The following FLYWCH2 variants were observed in gnomAD, a reference collection of about 807,000 sequenced individuals.
The protein encoded by FLYWCH2 is FLYWCH family member 2.
Under a neutral mutation model 6.0 loss-of-function variants are expected in FLYWCH2, and 2 were observed. That is an observed-to-expected ratio of 0.33 (90% CI 0.14 to 1.04). The LOEUF is 1.04. Among genes scored for constraint, FLYWCH2 ranks in the 50% least tolerant of loss-of-function variants. FLYWCH2 has a pLI of 0.45. For synonymous variants in FLYWCH2, 87 were observed against 79.3 expected (o/e 1.10, Z -0.52); for missense variants, 192 against 183.4 (o/e 1.05, Z -0.27).
At chr16:2,885,360 G>A (rs2069687605) in intron 1 of FLYWCH2, among the ~76,000 whole-genome samples, 1 of 152,056 alleles carries the variant, frequency 6.6e-6, no homozygotes, top group South Asian at 2.1e-4. Flanking sequence ...CAGTTCAGTG[G>A]CTTTAGTGTG....
At chr16:2,884,549 C>G (rs540443951) in intron 1 of FLYWCH2, among the ~76,000 whole-genome samples, 1 of 19,510 alleles carries the variant, frequency 5.1e-5, no homozygotes, top group African/African-American at 1.6e-4. Flanking sequence ...GGTGAAACCC[C>G]GTCTCTACTA....
At chr16:2,890,813 C>T (rs2069749096) in intron 1 of FLYWCH2, among the ~76,000 whole-genome samples, 1 of 152,120 alleles carries the variant, frequency 6.6e-6, no homozygotes, top group Non-Finnish European at 1.5e-5. Context: ...GTAATCCACC[C>T]ACCTCAACCC....
chr16:2,888,484 CAAAAA>C (rs76190008), intron 1 of FLYWCH2, among the ~76,000 whole-genome samples: 2 of 105,802 alleles, frequency 1.9e-5, no homozygotes, highest in Non-Finnish European at 1.9e-5. Flanking sequence ...TCAGTTTCTC[CAAAAA>C]AAAAAAAAAA....
At chr16:2,885,344 A>AGC (rs34402261) in intron 1 of FLYWCH2, among the ~76,000 whole-genome samples, 1 of 151,814 alleles carries the variant, frequency 6.6e-6, no homozygotes, top group Non-Finnish European at 1.5e-5. Context: ...CAAAAAAAAA[A>AGC]ATATACAGTT....
At chr16:2,890,178 A>G (rs1350199569) in intron 1 of FLYWCH2, among the ~76,000 whole-genome samples, 1 of 149,256 alleles carries the variant, frequency 6.7e-6, no homozygotes, top group Non-Finnish European at 1.5e-5. Context: ...GTAATCTGGG[A>G]TCTGATCCCA....
chr16:2,896,742 C>T lies in FLYWCH2; in HGVS notation c.293C>T (p.Pro98Leu), dbSNP rs2069826276. The change falls in exon 3 of 4, where the codon CCT becomes CTT. Residue 98 changes from proline to leucine, a missense_variant. By Grantham distance (98) the Pro-to-Leu change is moderately conservative. Transcript: ENST00000396958. ...GCCATTGAGGCAGCCCCTCAGGAGC[C>T]TGAGCAGAAACGGAGCAGGCAGGAC... ...QRAIEAAPQE[P>L]EQKRSRQDPG... 4.3e-6 allele frequency: 7 copies of T among 1,611,588 alleles called. No homozygotes were observed. Among genetic ancestry groups the T allele is most frequent in the Non-Finnish European group, 5.9e-6 (7 of 1,179,856 alleles).
At chr16:2,890,497 C>G (rs1009324061) in intron 1 of FLYWCH2, among the ~76,000 whole-genome samples, 1 of 151,694 alleles carries the variant, frequency 6.6e-6, no homozygotes, top group East Asian at 1.9e-4. Flanking sequence ...TCACCGCAAT[C>G]TCCACCTTCT....
rs1422892853 is a variant in FLYWCH2 at position 2,883,285 on chromosome 16, G to GC, written c.-280dup. ...ACCCCGGCTTGAGGTAACAGCGCGAGCTGAGGCTGGGGCCCTTGGCGCGGA... is the reference window on the plus strand; with the variant it reads ...ACCCCGGCTTGAGGTAACAGCGCGAGCCTGAGGCTGGGGCCCTTGGCGCGGA... On this transcript the variant is annotated 5_prime_UTR_variant, in exon 1 of 4. Transcript: ENST00000396958. The GC allele has an allele frequency of 2.0e-5, 3 of 152,296 alleles. No homozygotes were observed. Among genetic ancestry groups the GC allele is most frequent in the Admixed American group, 6.5e-5 (1 of 15,290 alleles). 9.4% of individuals were successfully genotyped at this position (152,296 alleles called of 1,614,324 possible).
In FLYWCH2 at chr16:2,899,263, C is replaced by CTTTT; in HGVS notation, c.*115_*118dup. ...CTTTGCTTTTAACATTGTGTGATTT[C>CTTTT]TTTTCTTTTTTTTTTTTTTTTTAGA... On this transcript the variant is annotated 3_prime_UTR_variant, in exon 4 of 4. Transcript: ENST00000396958. The CTTTT allele has an allele frequency of 9.1e-6, 4 of 437,176 alleles. No homozygotes were observed. Among genetic ancestry groups the CTTTT allele is most frequent in the South Asian group, 4.4e-5 (1 of 22,472 alleles). 27.1% of individuals were successfully genotyped at this position (437,176 alleles called of 1,614,324 possible). A position where few individuals can be genotyped will look rare whatever the true frequency, so the allele number is the denominator to read the frequency against.
At position 2,899,149 on chromosome 16, in the gene FLYWCH2, A is replaced by C. The variant is rs1596340812; in HGVS notation, c.423A>C (p.Ter141TyrextTer2). 1 of 1,611,522 alleles carries C rather than the reference A, an allele frequency of 6.2e-7. No homozygotes were observed. The highest frequency in any genetic ancestry group is 8.5e-7 in the Non-Finnish European group (1 of 1,178,820). ...CTGTGGCGCCCGGCAAGTCCCTGTAACCTTGACAACAGGCGCATCCTCCCA... is the reference window on the plus strand; with the variant it reads ...CTGTGGCGCCCGGCAAGTCCCTGTACCCTTGACAACAGGCGCATCCTCCCA... ...PCSVAPGKSL[*>Y] The change falls in exon 4 of 4, where the codon TAA becomes TAC. Residue 141 changes from the stop codon to tyrosine (Y), a stop_lost. Transcript: ENST00000396958.
chr16:2,897,990 G>A (rs1228934882), intron 3 of FLYWCH2, among the ~76,000 whole-genome samples: 1 of 152,152 alleles, frequency 6.6e-6, no homozygotes, highest in Non-Finnish European at 1.5e-5. Context: ...AGCCAGAACA[G>A]GTGGTCCCCT....
chr16:2,885,983 C>T (rs2150842448), intron 1 of FLYWCH2, among the ~76,000 whole-genome samples: 1 of 152,290 alleles, frequency 6.6e-6, no homozygotes, highest in East Asian at 1.9e-4. Context: ...TCCTCATCCT[C>T]ACCAGCACTT....
At chr16:2,889,748 G>T (rs1236716098) in intron 1 of FLYWCH2, among the ~76,000 whole-genome samples, 1 of 152,062 alleles carries the variant, frequency 6.6e-6, no homozygotes, top group East Asian at 1.9e-4. Context: ...CCCACCCCCA[G>T]CTTCCCCTCA....
chr16:2,896,963 T>C, intron 3 of FLYWCH2, 192 bp downstream of exon 3: 1 of 618,526 alleles, frequency 1.6e-6, no homozygotes, highest in South Asian at 2.0e-5. Context: ...ACCCTGCCTC[T>C]GAGCGGCCTT....
At chr16:2,889,836 G>A (rs540413845) in intron 1 of FLYWCH2, among the ~76,000 whole-genome samples, 2 of 152,222 alleles carry the variant, frequency 1.3e-5, no homozygotes, top group African/African-American at 2.4e-5. Context: ...CTGTAATCAA[G>A]AACTTTGGGA....
Position 2,896,441 on chromosome 16 carries a change from G to A in FLYWCH2, c.-9G>A, listed in dbSNP as rs778031103. The A allele has an allele frequency of 1.9e-6, 3 of 1,605,516 alleles. No individual in the cohort carries two copies. Among genetic ancestry groups the A allele is most frequent in the African/African-American group, 1.3e-5 (1 of 74,886 alleles). On this transcript the variant is annotated 5_prime_UTR_variant, in exon 3 of 4. Coordinates refer to ENST00000396958, the MANE Select transcript of FLYWCH2 (RefSeq NM_138439.3). ...AGTGTGGCCTGAGGGACAGGCCCTGGGTCCCGGGATGCCCCTGCCCGAGCC... is the reference window on the plus strand; with the variant it reads ...AGTGTGGCCTGAGGGACAGGCCCTGAGTCCCGGGATGCCCCTGCCCGAGCC...
intron 1 of FLYWCH2, among the ~76,000 whole-genome samples, chr16:2,893,878 T>G (rs2069787396): frequency 6.6e-6 from 1 of 152,046 alleles, no homozygotes; most frequent in Non-Finnish European, 1.5e-5. Flanking sequence ...GACCTTGTGA[T>G]CCGCCCGCCT....
intron 1 of FLYWCH2, among the ~76,000 whole-genome samples, chr16:2,894,638 C>G (rs1027267073): frequency 1.3e-5 from 2 of 152,222 alleles, no homozygotes; most frequent in Non-Finnish European, 2.9e-5. Context: ...CGACCCCGAT[C>G]CCTGCGGTAC....
chr16:2,885,905 A>C (rs1183858012), intron 1 of FLYWCH2, among the ~76,000 whole-genome samples: 1 of 152,238 alleles, frequency 6.6e-6, no homozygotes, highest in Non-Finnish European at 1.5e-5. Flanking sequence ...AGGAACTGCC[A>C]GGCTGGTTTC....
Sources: gnomAD v4.1 joint callset for allele counts (sites outside exome capture counted in the v4.1 genomes callset) on GRCh38, gnomAD v4.1.1 for gene constraint, MANE v1.5 for transcripts, NCBI Gene and HGNC (gene_info 2026-07-23, HGNC 2026-07-21) for gene names.